CDC42BPA: variants seen among roughly 807,000 people sequenced by gnomAD.
CDC42BPA encodes the protein serine/threonine-protein kinase MRCK alpha.
CDC42BPA carries 80 observed loss-of-function variants against 223.5 expected under a neutral mutation model. The ratio of observed to expected loss-of-function variants is 0.36; its 90% CI spans 0.30 to 0.43. CDC42BPA has a LOEUF of 0.43. Among genes scored for constraint, CDC42BPA ranks in the 20% least tolerant of loss-of-function variants. The pLI is 1.00. For synonymous variants in CDC42BPA, 694 were observed against 718.6 expected (o/e 0.97, Z 0.55); for missense variants, 1,743 against 2,099.9 (o/e 0.83, Z 3.32).
intron 7 of CDC42BPA, 29 bp from the exon 8 acceptor site, chr1:227,145,766 T>A: frequency 6.3e-7 from 1 of 1,581,994 alleles, no homozygotes; most frequent in African/African-American, 1.4e-5. Flanking sequence ...AAACAAAATA[T>A]AAATCAGTGT....
intron 22 of CDC42BPA, among the ~76,000 whole-genome samples, chr1:227,050,191 A>T (rs1193223742): frequency 6.6e-6 from 1 of 152,192 alleles, no homozygotes; most frequent in Non-Finnish European, 1.5e-5. Flanking sequence ...AACAAAGGAC[A>T]CAAACAGGCA....
chr1:227,251,681 T>C (rs1426155147), intron 2 of CDC42BPA, among the ~76,000 whole-genome samples: 1 of 152,020 alleles, frequency 6.6e-6, no homozygotes, highest in Non-Finnish European at 1.5e-5. Context: ...CAGGAAGATA[T>C]AATAACTGTA....
At chr1:227,009,103 A>G (rs190207234) in intron 34 of CDC42BPA, among the ~76,000 whole-genome samples, 3 of 152,334 alleles carry the variant, frequency 2.0e-5, no homozygotes. Flanking sequence ...AACCTATCCT[A>G]GAATAAATAG....
chr1:227,278,294 T>C (rs780963058), intron 1 of CDC42BPA, among the ~76,000 whole-genome samples: 12 of 152,220 alleles, frequency 7.9e-5, no homozygotes, highest in Non-Finnish European at 1.6e-4. Flanking sequence ...GATGGTGTAA[T>C]TTCTAACCTA....
chr1:227,177,093 TTTTAC>T (rs1289941019), intron 5 of CDC42BPA, among the ~76,000 whole-genome samples: 1 of 146,816 alleles, frequency 6.8e-6, no homozygotes, highest in Non-Finnish European at 1.5e-5. Flanking sequence ...AAAAAACAAC[TTTTAC>T]TTTAAAGCCA....
At chr1:227,235,961 GC>G (rs1345605116) in intron 2 of CDC42BPA, among the ~76,000 whole-genome samples, 1 of 152,174 alleles carries the variant, frequency 6.6e-6, no homozygotes, top group African/African-American at 2.4e-5. Flanking sequence ...ATGGTAAGTA[GC>G]TTTTTAAATG....
intron 6 of CDC42BPA, among the ~76,000 whole-genome samples, chr1:227,155,454 AAC>A (rs1394392190): frequency 6.6e-6 from 1 of 152,202 alleles, no homozygotes; most frequent in African/African-American, 2.4e-5. Flanking sequence ...GGATCCAGGA[AAC>A]AGAGTCCAAT....
At chr1:227,080,406 A>C (rs1266891829) in intron 17 of CDC42BPA, among the ~76,000 whole-genome samples, 3 of 152,210 alleles carry the variant, frequency 2.0e-5, no homozygotes, top group African/African-American at 7.2e-5. Context: ...AGAGCTGATA[A>C]AACTAAAATG....
chr1:227,179,083 G>A (rs141839257), intron 5 of CDC42BPA, among the ~76,000 whole-genome samples: 35 of 152,200 alleles, frequency 2.3e-4, no homozygotes, highest in African/African-American at 5.8e-4. Flanking sequence ...TCAGAAAACC[G>A]CGTGTTATAT....
chr1:227,276,709 A>C (rs1687135819), intron 1 of CDC42BPA, among the ~76,000 whole-genome samples: 1 of 151,822 alleles, frequency 6.6e-6, no homozygotes, highest in Admixed American at 6.6e-5. Flanking sequence ...GACATAGGAG[A>C]CTCCATTTTG....
At chr1:227,213,699 A>C (rs1263672743) in intron 2 of CDC42BPA, among the ~76,000 whole-genome samples, 1 of 152,134 alleles carries the variant, frequency 6.6e-6, no homozygotes, top group African/African-American at 2.4e-5. Flanking sequence ...AATAAACTGA[A>C]AACGATCCTA....
intron 1 of CDC42BPA, among the ~76,000 whole-genome samples, chr1:227,304,280 T>G (rs995945740): frequency 6.6e-6 from 1 of 151,940 alleles, no homozygotes. Context: ...GTAGCACATG[T>G]CTGCAGTCCC....
intron 34 of CDC42BPA, among the ~76,000 whole-genome samples, chr1:227,005,855 C>T (rs924921078): frequency 2.0e-5 from 3 of 151,950 alleles, no homozygotes; most frequent in African/African-American, 7.3e-5. Flanking sequence ...GAAAATAGGC[C>T]ACAGAATGTT....
chr1:227,098,531 TTGCCTCTCC>T (rs1319203709), intron 15 of CDC42BPA, among the ~76,000 whole-genome samples: 3 of 152,116 alleles, frequency 2.0e-5, no homozygotes, highest in Admixed American at 1.3e-4. Context: ...AATCCCAAAC[TTGCCTCTCC>T]TGTAGTCGTC....
At chr1:227,278,276 T>C (rs1687452715) in intron 1 of CDC42BPA, among the ~76,000 whole-genome samples, 1 of 152,248 alleles carries the variant, frequency 6.6e-6, no homozygotes, top group African/African-American at 2.4e-5. Flanking sequence ...TAGGTTTAAA[T>C]GGATGCAGAT....
intron 15 of CDC42BPA, among the ~76,000 whole-genome samples, chr1:227,100,777 T>TGTGTGTGTGTGTGTGCGC (rs777124731): frequency 3.3e-4 from 42 of 128,602 alleles, no homozygotes; most frequent in African/African-American, 1.1e-3. Flanking sequence ...TGTGTGTGTG[T>TGTGTGTGTGTGTGTGCGC]GCGTGTGCCA....
Position 227,005,089 on chromosome 1 carries a change from C to T in CDC42BPA, c.4880G>A (p.Arg1627Gln), listed in dbSNP as rs767823654. The T allele has an allele frequency of 3.7e-6, 6 of 1,613,712 alleles. No homozygotes were observed. The highest frequency in any genetic ancestry group is 2.2e-5 in the East Asian group (1 of 44,890). The change falls in exon 35 of 37, where the codon CGG becomes CAG. Residue 1627 changes from arginine to glutamine, a missense_variant. Physicochemically the swap from Arg to Gln is conservative, Grantham distance 43. This residue lies in a region of CDC42BPA where 200 missense variants were observed against 192.8 expected (regional missense o/e 1.04). Transcript: ENST00000366766. ...LPMNPRPQES[R>Q]TVFSGSVSIP... ...ACTGACTGAGCCACTGAATACTGTC[C>T]GACTTTCCTGAGGCCGAGGGTTCTA... is the stretch of plus-strand genomic sequence containing the variant.
chr1:227,126,464 A>AAAGGAAGGAAGG (rs143254580), intron 11 of CDC42BPA, among the ~76,000 whole-genome samples: 2,278 of 130,394 alleles, frequency 0.017, 28 homozygotes, highest in East Asian at 0.049. Flanking sequence ...GCAGTACAAG[A>AAAGGAAGGAAGG]AAGGAAGGAA....
chr1:227,232,431 C>T (rs1032137309), intron 2 of CDC42BPA, among the ~76,000 whole-genome samples: 7 of 152,186 alleles, frequency 4.6e-5, no homozygotes, highest in African/African-American at 9.7e-5. Context: ...CAGCTTTGTC[C>T]GTCCAGCTTT....
Sources: allele counts gnomAD v4.1 joint callset (sites outside exome capture counted in the v4.1 genomes callset), GRCh38; gene constraint gnomAD v4.1.1; regional missense constraint gnomAD v4.1.1; transcripts MANE v1.5; gene names NCBI Gene and HGNC (gene_info 2026-07-23, HGNC 2026-07-21).